The following OR1J2 variants were observed in gnomAD, a reference collection of about 807,000 sequenced individuals.
OR1J2 encodes olfactory receptor 1J2.
For synonymous variants in OR1J2, 142 were observed against 99.7 expected (o/e 1.42, Z -2.52); for missense variants, 304 against 246.1 (o/e 1.24, Z -1.57).
the OR1J2 span, among the ~76,000 whole-genome samples, chr9:122,571,997 C>T: frequency 6.6e-6 from 1 of 152,180 alleles, no homozygotes; most frequent in African/African-American, 2.4e-5. Flanking sequence ...GTTTCTGATT[C>T]TGGGGAGGCC....
At chr9:122,534,727 G>A in the OR1J2 span, among the ~76,000 whole-genome samples, 1 of 152,252 alleles carries the variant, frequency 6.6e-6, no homozygotes, top group African/African-American at 2.4e-5. Context: ...GATGCTTGGG[G>A]TTGGGACTGA....
Position 122,511,179 on chromosome 9 carries a change from A to G in OR1J2, c.378A>G (p.Ile126Met), listed in dbSNP as rs774120147. ...TSMAYDRYVAICHPLHYTVIM... is the reference protein window; with the variant it reads ...TSMAYDRYVAMCHPLHYTVIM... Reference sequence around the variant, plus strand: ...TGGCATATGACCGATATGTTGCCATATGTCACCCTCTCCACTACACTGTCA... The same window carrying G: ...TGGCATATGACCGATATGTTGCCATGTGTCACCCTCTCCACTACACTGTCA... The change falls in exon 1 of 1, where the codon ATA (isoleucine) becomes ATG (methionine). Residue 126 changes from isoleucine to methionine, a missense_variant. By Grantham distance (10) the Ile-to-Met change is conservative (BLOSUM62 1). Coordinates refer to ENST00000335302, the MANE Select transcript of OR1J2 (RefSeq NM_054107.1). 5.6e-6 allele frequency: 4 copies of G among 718,820 alleles called. No individual in the cohort carries two copies. Among genetic ancestry groups the G allele is most frequent in the Admixed American group, 2.0e-5 (1 of 48,940 alleles). 44.5% of individuals were successfully genotyped at this position (718,820 alleles called of 1,614,324 possible). A position where few individuals can be genotyped will look rare whatever the true frequency, so the allele number is the denominator to read the frequency against.
At chr9:122,577,507 A>T in the OR1J2 span, among the ~76,000 whole-genome samples, 1 of 152,246 alleles carries the variant, frequency 6.6e-6, no homozygotes, top group Non-Finnish European at 1.5e-5. Flanking sequence ...CAGGCAATTC[A>T]CAAAAGAATA....
At chr9:122,526,595 G>T in the OR1J2 span, 2 of 1,614,116 alleles carry the variant, frequency 1.2e-6, no homozygotes, top group East Asian at 2.2e-5. Flanking sequence ...AAAAGGCCTT[G>T]CCCACCCCAC....
At chr9:122,488,084 A>G in the OR1J2 span, among the ~76,000 whole-genome samples, 23 of 152,200 alleles carry the variant, frequency 1.5e-4, no homozygotes, top group Non-Finnish European at 2.5e-4. Context: ...TGCCTCCCTT[A>G]TATTAGTGAG....
chr9:122,481,231 T>G, the OR1J2 span, among the ~76,000 whole-genome samples: 1 of 152,226 alleles, frequency 6.6e-6, no homozygotes, highest in Non-Finnish European at 1.5e-5. Flanking sequence ...CTAAGCATAA[T>G]GGACTTTGGC....
At chr9:122,553,577 A>G in the OR1J2 span, 6 of 1,614,100 alleles carry the variant, frequency 3.7e-6, no homozygotes, top group Non-Finnish European at 4.2e-6. Flanking sequence ...CTGTGATGGC[A>G]TATGACCGCT....
At chr9:122,478,882 C>G in the OR1J2 span, among the ~76,000 whole-genome samples, 1 of 151,810 alleles carries the variant, frequency 6.6e-6, no homozygotes, top group South Asian at 2.1e-4. Flanking sequence ...TGGGTTCAAG[C>G]GATTCTTCCA....
At chr9:122,465,844 T>A in the OR1J2 span, among the ~76,000 whole-genome samples, 1 of 152,150 alleles carries the variant, frequency 6.6e-6, no homozygotes, top group African/African-American at 2.4e-5. Context: ...TACCTTTCCC[T>A]CTGGATTCCT....
the OR1J2 span, among the ~76,000 whole-genome samples, chr9:122,574,854 G>A: frequency 5.3e-5 from 8 of 152,028 alleles, no homozygotes; most frequent in Non-Finnish European, 1.2e-4. Flanking sequence ...TTCTTATCAA[G>A]TTGAGGAATT....
At chr9:122,477,013 A>G in the OR1J2 span, 57 of 1,612,354 alleles carry the variant, frequency 3.5e-5, no homozygotes, top group South Asian at 5.3e-4. Context: ...TGACCTACTC[A>G]AGAGTTTTCT....
At chr9:122,484,742 A>G in the OR1J2 span, among the ~76,000 whole-genome samples, 13 of 152,180 alleles carry the variant, frequency 8.5e-5, no homozygotes, top group African/African-American at 3.1e-4. Context: ...ACAAGAAGAC[A>G]GAGTGTAGGA....
At chr9:122,551,621 C>G in the OR1J2 span, among the ~76,000 whole-genome samples, 25 of 152,108 alleles carry the variant, frequency 1.6e-4, no homozygotes, top group Non-Finnish European at 3.2e-4. Flanking sequence ...GCATTGCCAG[C>G]AAGAGGCTTC....
the OR1J2 span, among the ~76,000 whole-genome samples, chr9:122,561,924 A>C: frequency 6.6e-6 from 1 of 152,164 alleles, no homozygotes; most frequent in Non-Finnish European, 1.5e-5. Context: ...CAGATTCCTC[A>C]GAACTAGCAG....
chr9:122,496,085 G>A, the OR1J2 span, among the ~76,000 whole-genome samples: 1 of 152,160 alleles, frequency 6.6e-6, no homozygotes, highest in Non-Finnish European at 1.5e-5. Flanking sequence ...TCTGGTGGAG[G>A]TAGTAGCAGG....
At chr9:122,517,527 A>G in the OR1J2 span, among the ~76,000 whole-genome samples, 4 of 152,208 alleles carry the variant, frequency 2.6e-5, no homozygotes, top group Non-Finnish European at 5.9e-5. Flanking sequence ...TTTTCTCCCA[A>G]TTAAGAACTG....
At chr9:122,547,001 T>C in the OR1J2 span, among the ~76,000 whole-genome samples, 1 of 152,160 alleles carries the variant, frequency 6.6e-6, no homozygotes, top group East Asian at 1.9e-4. Flanking sequence ...TAATGTATTA[T>C]TGTTAACTAT....
At chr9:122,504,119 T>C in the OR1J2 span, among the ~76,000 whole-genome samples, 1 of 152,206 alleles carries the variant, frequency 6.6e-6, no homozygotes, top group Non-Finnish European at 1.5e-5. Flanking sequence ...TAAGGCCCCA[T>C]GCCAAATTTG....
the OR1J2 span, among the ~76,000 whole-genome samples, chr9:122,473,663 G>A: frequency 6.6e-6 from 1 of 151,038 alleles, no homozygotes; most frequent in Admixed American, 6.6e-5. Context: ...TGTTGTCAAT[G>A]CATAATAGAT....
Sources: allele counts gnomAD v4.1 joint callset (sites outside exome capture counted in the v4.1 genomes callset), GRCh38; gene constraint gnomAD v4.1.1; transcripts MANE v1.5; gene names NCBI Gene and HGNC (gene_info 2026-07-23, HGNC 2026-07-21).